The following ITGB5 variants were observed in gnomAD, a reference collection of about 807,000 sequenced individuals.
ITGB5 encodes integrin subunit beta 5.
Under a neutral mutation model 84.8 loss-of-function variants are expected in ITGB5, and 38 were observed. The observed-to-expected ratio is 0.45, with a 90% confidence interval of 0.35 to 0.59. ITGB5 has a LOEUF of 0.59. ITGB5 is among the 20% of genes least tolerant of loss of function. The probability of loss-of-function intolerance (pLI) is 0.01; values close to 1 mark genes in which losing one functional copy is unlikely to be tolerated. For synonymous variants in ITGB5, 393 were observed against 414.4 expected (o/e 0.95, Z 0.63); for missense variants, 905 against 1,034.5 (o/e 0.87, Z 1.72).
At chr3:124,877,669 C>T (rs746043545) in intron 1 of ITGB5, among the ~76,000 whole-genome samples, 9 of 152,028 alleles carry the variant, frequency 5.9e-5, no homozygotes, top group Admixed American at 2.6e-4. Context: ...AGAGGTCAGA[C>T]GGGGTCCTGA....
intron 3 of ITGB5, among the ~76,000 whole-genome samples, chr3:124,849,362 G>T (rs2065121235): frequency 6.6e-6 from 1 of 152,172 alleles, no homozygotes; most frequent in South Asian, 2.1e-4. Flanking sequence ...GATGTGCAAG[G>T]CAAGGGAGGG....
intron 10 of ITGB5, among the ~76,000 whole-genome samples, chr3:124,794,705 C>A (rs749100124): frequency 6.6e-6 from 1 of 151,554 alleles, no homozygotes; most frequent in Non-Finnish European, 1.5e-5. Flanking sequence ...TCACTTGAAC[C>A]CAGGAGGCAC....
rs77210670 is a variant in ITGB5 at position 124,765,670 on chromosome 3, C to T, written c.2137+556G>A. On this transcript the variant is annotated intron_variant, in intron 13 of 14. Transcript: ENST00000296181. ...TTGCCCTGACTCACGCTCCCACTAGCGCTTGCCCCAAGAATGGGCCCCCAG... is the reference window on the plus strand; with the variant it reads ...TTGCCCTGACTCACGCTCCCACTAGTGCTTGCCCCAAGAATGGGCCCCCAG... Among the ~76,000 whole-genome samples the T allele has an allele frequency of 1.7e-3, 259 of 152,206 alleles. 2 individuals carry two copies. Among genetic ancestry groups the T allele is most frequent in the Non-Finnish European group, 2.4e-3 (165 of 68,006 alleles).
intron 5 of ITGB5, among the ~76,000 whole-genome samples, chr3:124,831,747 C>T (rs917034897): frequency 1.3e-5 from 2 of 152,084 alleles, no homozygotes; most frequent in Non-Finnish European, 1.5e-5. Flanking sequence ...ATGAAGAGGC[C>T]CTCAAGACTG....
At chr3:124,826,896 C>T (rs563635297) in intron 5 of ITGB5, among the ~76,000 whole-genome samples, 9 of 152,298 alleles carry the variant, frequency 5.9e-5, no homozygotes, top group African/African-American at 1.9e-4. Flanking sequence ...AGAGGTTGGG[C>T]TGCTGCGAAT....
At chr3:124,816,305 T>C (rs917746470) in intron 8 of ITGB5, among the ~76,000 whole-genome samples, 19 of 152,150 alleles carry the variant, frequency 1.2e-4, no homozygotes, top group African/African-American at 9.7e-5. Flanking sequence ...AAGGCCAACA[T>C]TGGGAAAGGC....
At chr3:124,837,282 G>A (rs1259969143) in intron 5 of ITGB5, among the ~76,000 whole-genome samples, 2 of 152,220 alleles carry the variant, frequency 1.3e-5, no homozygotes, top group African/African-American at 4.8e-5. Context: ...ACTTCCGCCT[G>A]CACAATTTCA....
intron 10 of ITGB5, among the ~76,000 whole-genome samples, chr3:124,779,690 T>C (rs528488667): frequency 1.3e-5 from 2 of 152,312 alleles, no homozygotes; most frequent in African/African-American, 4.8e-5. Flanking sequence ...CCTTTGTATA[T>C]TTAAATGGGG....
chr3:124,875,584 A>G (rs1176334122), intron 1 of ITGB5, among the ~76,000 whole-genome samples: 2 of 152,124 alleles, frequency 1.3e-5, no homozygotes, highest in Admixed American at 1.3e-4. Context: ...TAGTACAGCT[A>G]TTATGGAAAA....
At chr3:124,861,211 T>C (rs848799) in intron 2 of ITGB5, among the ~76,000 whole-genome samples, 27,433 of 151,992 alleles carry the variant, frequency 0.18, 2,623 homozygotes, top group Admixed American at 0.21. Flanking sequence ...AACGATTTTT[T>C]ATTTGTGCAT....
chr3:124,824,361 G>A (rs2064752527), intron 5 of ITGB5, among the ~76,000 whole-genome samples: 1 of 152,132 alleles, frequency 6.6e-6, no homozygotes, highest in Non-Finnish European at 1.5e-5. Context: ...CAACCCATAT[G>A]TCTCATCACA....
rs780557560 is a variant in ITGB5 at position 124,859,324 on chromosome 3, G to C, written c.279C>G (p.Pro93=). ...CAGAGCCCGAACCCTTGCTGCTGAG[G>C]GGCAGGCTCCTCAGGACATGGAAGC... The part of the protein sequence containing the change: ...ASSFHVLRSL[P]LSSKGSGSAG... The change falls in exon 3 of 15, where the codon CCC becomes CCG. Residue 93 remains proline, a synonymous_variant. Transcript: ENST00000296181. 6.2e-7 allele frequency: 1 copy of C among 1,614,106 alleles called. No individual in the cohort carries two copies.
At chr3:124,776,923 C>A (rs900612414) in intron 10 of ITGB5, among the ~76,000 whole-genome samples, 3 of 152,132 alleles carry the variant, frequency 2.0e-5, no homozygotes, top group Admixed American at 1.3e-4. Context: ...AGGGAACGGG[C>A]CTTCCTTGTG....
chr3:124,776,288 G>A (rs1165504945), intron 10 of ITGB5, among the ~76,000 whole-genome samples: 1 of 152,198 alleles, frequency 6.6e-6, no homozygotes, highest in African/African-American at 2.4e-5. Context: ...CTTGGCAGCA[G>A]GAACTCCCCA....
intron 10 of ITGB5, among the ~76,000 whole-genome samples, chr3:124,789,429 G>C (rs1427834986): frequency 1.4e-4 from 20 of 145,202 alleles, no homozygotes; most frequent in Non-Finnish European, 2.6e-4. Flanking sequence ...CCTCTGACTA[G>C]ACAGGGTTAT....
intron 2 of ITGB5, among the ~76,000 whole-genome samples, chr3:124,867,549 G>T (rs2065411248): frequency 2.0e-5 from 3 of 152,182 alleles, no homozygotes; most frequent in Admixed American, 1.3e-4. Flanking sequence ...CTGTCCTCTT[G>T]CGAGTGACAC....
At chr3:124,788,083 A>T (rs909693703) in intron 10 of ITGB5, among the ~76,000 whole-genome samples, 1 of 151,890 alleles carries the variant, frequency 6.6e-6, no homozygotes, top group Non-Finnish European at 1.5e-5. Context: ...AATTTTTTGT[A>T]GAGACGGGGC....
chr3:124,871,013 C>G lies in ITGB5; in HGVS notation c.156+2433G>C, dbSNP rs191131638. 3.5e-3 allele frequency among the ~76,000 whole-genome samples: 526 copies of G among 152,156 alleles called. 6 individuals carry two copies. The highest frequency in any genetic ancestry group is 0.011 in the African/African-American group (461 of 41,508). ...CAAGTGATCCTCCCACCTCAGCCCC[C>G]CAAGTAGCTGGGACTACAGGCATGC... On this transcript the variant is annotated intron_variant, in intron 2 of 14. Transcript: ENST00000296181.
intron 10 of ITGB5, among the ~76,000 whole-genome samples, chr3:124,784,280 A>G (rs1312943117): frequency 1.3e-5 from 2 of 152,214 alleles, no homozygotes; most frequent in Non-Finnish European, 2.9e-5. Flanking sequence ...TGGGAGGCTG[A>G]GGTGGGAGGA....
Sources: allele counts gnomAD v4.1 joint callset (sites outside exome capture counted in the v4.1 genomes callset), GRCh38; gene constraint gnomAD v4.1.1; transcripts MANE v1.5; gene names NCBI Gene and HGNC (gene_info 2026-07-23, HGNC 2026-07-21).